FOXN1: variants seen among roughly 807,000 people sequenced by gnomAD.
The protein encoded by FOXN1 is forkhead box protein N1.
In FOXN1, 15 loss-of-function variants were observed where a neutral mutation model predicts 49.0. That is an observed-to-expected ratio of 0.31 (90% CI 0.20 to 0.47). The LOEUF (loss-of-function observed/expected upper bound fraction) is 0.47, where lower values mean the gene tolerates loss of function less well. FOXN1 is among the 20% of genes least tolerant of loss of function. FOXN1 has a pLI of 1.00. For synonymous variants in FOXN1, 356 were observed against 369.0 expected (o/e 0.96, Z 0.40); for missense variants, 800 against 842.8 (o/e 0.95, Z 0.63).
In FOXN1 at chr17:28,534,778, G is replaced by C. The variant is rs1365407291; in HGVS notation, c.1207G>C (p.Gly403Arg). ...CCCACTCCTGGGCTGTCCGCCCCCT[G>C]GGCTGTCCGGCTCAGGCCCCATCCG... The part of the protein sequence containing the change: ...GSPLLGCPPP[G>R]LSGSGPIRPL... Residue 403 changes from glycine to arginine, a missense_variant, in exon 8 of 9, where the codon GGG (glycine) becomes CGG (arginine). Coordinates refer to ENST00000579795, the MANE Select transcript of FOXN1 (RefSeq NM_001369369.1). This position sits in a 1 kb window ranked among gnomAD's most constrained non-coding sequence, Gnocchi z 4.1. The C allele has an allele frequency of 6.2e-7, 1 of 1,613,642 alleles. No homozygotes were observed. Among genetic ancestry groups the C allele is most frequent in the Middle Eastern group, 1.6e-4 (1 of 6,062 alleles).
chr17:28,528,133 G>A (rs938053712), intron 4 of FOXN1, among the ~76,000 whole-genome samples: 1 of 152,210 alleles, frequency 6.6e-6, no homozygotes, highest in African/African-American at 2.4e-5. Context: ...CACTGGCCCT[G>A]ATCTCAGCCA....
In FOXN1 at chr17:28,533,493, C is replaced by CCA. The variant is rs1555610634; in HGVS notation, c.928-836_928-835dup. Among the ~76,000 whole-genome samples the CCA allele has an allele frequency of 7.7e-5, 11 of 143,140 alleles. No homozygotes were observed. The East Asian group carries it at 2.2e-3, about 28-fold the overall frequency. The allele number at this position is 143,140 out of a possible 152,430, so 93.9% of individuals were successfully genotyped here. A position where few individuals can be genotyped will look rare whatever the true frequency, so the allele number is the denominator to read the frequency against. On this transcript the variant is annotated intron_variant, in intron 6 of 8. Transcript: ENST00000579795. ...ATTCTATTGGCACGAGCACCCCCCC[C>CCA]CACTGCCTGAGGGCTGGCCTCCCCA...
intron 5 of FOXN1, among the ~76,000 whole-genome samples, chr17:28,529,935 C>T (rs1174932390): frequency 6.6e-6 from 1 of 150,920 alleles, no homozygotes; most frequent in Admixed American, 6.6e-5. Flanking sequence ...GAAATGAGTT[C>T]AAGACCAGCT....
Position 28,530,807 on chromosome 17 carries a change from A to G in FOXN1, c.889A>G (p.Ile297Val). The change falls in exon 6 of 9, where the codon ATC (isoleucine) becomes GTC (valine). Residue 297 changes from isoleucine (I) to valine (V), a missense_variant. By Grantham distance (29) the Ile-to-Val change is conservative (BLOSUM62 3). Around this residue, in one of 3 missense-constraint regions of FOXN1, gnomAD observed 73 missense variants for 118.9 expected, o/e 0.61. Coordinates refer to ENST00000579795, the MANE Select transcript of FOXN1 (RefSeq NM_001369369.1). ...AACTGGGAGCCTTCCCGTCAGCGAG[A>G]TCTACAATTTTATGACGGAGCACTT... The part of the protein sequence containing the change: ...SKTGSLPVSE[I>V]YNFMTEHFPY... 1 of 1,609,310 alleles carries G rather than the reference A, an allele frequency of 6.2e-7. No individual in the cohort carries two copies. The highest frequency in any genetic ancestry group is 8.5e-7 in the Non-Finnish European group (1 of 1,175,586).
chr17:28,509,036 T>G, intron 1 of FOXN1, among the ~76,000 whole-genome samples: 1 of 134,840 alleles, frequency 7.4e-6, no homozygotes, highest in Admixed American at 7.4e-5. Context: ...GTGGGTGGGG[T>G]TGGGCTGGCA....
rs751890749 is a variant in FOXN1, at chr17:28,534,725, T to C, written c.1154T>C (p.Ile385Thr). The stretch of plus-strand genomic sequence containing the variant: ...CTTTCAGAAGAGCTGGACAGCCTCA[T>C]TGGAGACAAGAGAGAAAAGCTGGGC... The part of the protein sequence containing the change: ...MAKPEELDSL[I>T]GDKREKLGSP... The change falls in exon 8 of 9, where the codon ATT becomes ACT. Residue 385 changes from isoleucine to threonine, a missense_variant. By Grantham distance (89) the Ile-to-Thr change is moderately conservative. This residue lies in a region of FOXN1 where 344 missense variants were observed against 366.1 expected (regional missense o/e 0.94). Transcript: ENST00000579795. This position sits in a 1 kb window ranked among gnomAD's most constrained non-coding sequence, Gnocchi z 4.1. 2.6e-5 allele frequency: 42 copies of C among 1,613,396 alleles called. No homozygotes were observed. Among genetic ancestry groups the C allele is most frequent in the Non-Finnish European group, 3.1e-5 (37 of 1,179,938 alleles).
At chr17:28,523,808 C>CTGGT (rs879117657) in intron 1 of FOXN1, 148 bp from the exon 2 acceptor site, 2 of 117,300 alleles carry the variant, frequency 1.7e-5, no homozygotes, top group Non-Finnish European at 4.1e-5. Flanking sequence ...CTCTCTCTCT[C>CTGGT]TCTCTCTCTC....
intron 5 of FOXN1, 22 bp downstream of exon 5, chr17:28,529,246 G>A: frequency 1.9e-6 from 3 of 1,613,668 alleles, no homozygotes; most frequent in South Asian, 2.2e-5. Context: ...ACTCTCCAGG[G>A]ATGGGAGGAG....
intron 1 of FOXN1, among the ~76,000 whole-genome samples, chr17:28,513,892 G>A (rs1232943096): frequency 6.6e-6 from 1 of 152,208 alleles, no homozygotes; most frequent in Non-Finnish European, 1.5e-5. Flanking sequence ...GAAAAGGAAG[G>A]GGTGCTGGGC....
chr17:28,532,892 T>C (rs683289), intron 6 of FOXN1, among the ~76,000 whole-genome samples: 36,852 of 152,168 alleles, frequency 0.24, 4,727 homozygotes, highest in African/African-American at 0.3. Flanking sequence ...CCAGCGCCCA[T>C]TAACTCCGCC....
intron 1 of FOXN1, among the ~76,000 whole-genome samples, chr17:28,514,385 C>T (rs1465047173): frequency 3.9e-5 from 6 of 152,138 alleles, no homozygotes; most frequent in East Asian, 3.9e-4. Context: ...ACCCATTTTC[C>T]GAAACTGATG....
At chr17:28,511,419 G>A (rs182969095) in intron 1 of FOXN1, among the ~76,000 whole-genome samples, 21 of 152,292 alleles carry the variant, frequency 1.4e-4, no homozygotes, top group African/African-American at 4.3e-4. Flanking sequence ...AGGTGGACAG[G>A]CAAAGAGCGA....
intron 1 of FOXN1, among the ~76,000 whole-genome samples, chr17:28,506,833 G>A (rs1194971944): frequency 6.6e-6 from 1 of 152,242 alleles, no homozygotes; most frequent in Non-Finnish European, 1.5e-5. Context: ...AGTTCTCCAT[G>A]TAGTGGTTTT....
At chr17:28,528,503 G>C (rs1258395253) in intron 4 of FOXN1, among the ~76,000 whole-genome samples, 1 of 152,030 alleles carries the variant, frequency 6.6e-6, no homozygotes, top group Non-Finnish European at 1.5e-5. Flanking sequence ...AATGTCTCTT[G>C]GGTAACCTGG....
chr17:28,524,118 G>T (rs1230641067), intron 2 of FOXN1, 26 bp downstream of exon 2: 1 of 1,567,694 alleles, frequency 6.4e-7, no homozygotes, highest in Non-Finnish European at 8.6e-7. Flanking sequence ...CTGGGCCTGG[G>T]TTTAGGCCAA....
At position 28,523,911 on chromosome 17, in the gene FOXN1, A is replaced by C. The variant is rs483434; in HGVS notation, c.-14-45A>C. 0.93 allele frequency: 1,503,483 copies of C among 1,610,276 alleles called. 703,033 individuals carry two copies. The highest frequency in any genetic ancestry group is 0.98 in the East Asian group (44,112 of 44,796). On this transcript the variant is annotated intron_variant, in intron 1 of 8. Transcript: ENST00000579795. ...AGGTGGCGAACCTGGGTTGGTCCCC[A>C]CTGGATGCTGGTCCTCACTCTCATG...
chr17:28,527,866 A>G (rs1440641229), intron 4 of FOXN1, among the ~76,000 whole-genome samples: 2 of 152,240 alleles, frequency 1.3e-5, no homozygotes, highest in African/African-American at 4.8e-5. Flanking sequence ...CCAAGTCCCC[A>G]TCATCTTCAG....
At position 28,534,889 on chromosome 17, in the gene FOXN1, C is replaced by T; in HGVS notation, c.1318C>T (p.Gln440Ter). The T allele has an allele frequency of 1.2e-6, 2 of 1,614,092 alleles. No individual in the cohort carries two copies. Among genetic ancestry groups the T allele is most frequent in the African/African-American group, 1.3e-5 (1 of 75,050 alleles). Residue 440 changes from glutamine (Q) to a stop codon, truncating the protein, a stop_gained, in exon 8 of 9, where the codon CAG becomes TAG. Coordinates refer to ENST00000579795, the MANE Select transcript of FOXN1 (RefSeq NM_001369369.1). LOFTEE classifies it high-confidence loss of function. The surrounding 1 kb of genome is among the most constrained non-coding windows in gnomAD (Gnocchi z 4.1). ...PGPIPGKNPL[Q>*]DLLMGHTPSC... ...CCCCATTCCTGGCAAGAACCCCCTG[C>T]AGGACCTACTTATGGGGCACACACC...
In FOXN1 at chr17:28,524,838, G is replaced by A. The variant is rs780066670; in HGVS notation, c.459G>A (p.Gly153=). ...AAGGACACTCCTTTAAGACCCCAGG[G>A]CCGCTGGAGGCCTTCGAGGAGATCC... ...ALKGHSFKTP[G]PLEAFEEIPV... is the part of the protein sequence containing the mutation. The change falls in exon 3 of 9, where the codon GGG becomes GGA. Residue 153 remains glycine (G), a synonymous_variant. Transcript: ENST00000579795. 6.2e-7 allele frequency: 1 copy of A among 1,613,762 alleles called. No homozygotes were observed. Among genetic ancestry groups the A allele is most frequent in the East Asian group, 2.2e-5 (1 of 44,864 alleles).
Sources: allele counts gnomAD v4.1 joint callset (sites outside exome capture counted in the v4.1 genomes callset), GRCh38; gene constraint gnomAD v4.1.1; regional missense constraint gnomAD v4.1.1; non-coding constraint Gnocchi (gnomAD v3.1); transcripts MANE v1.5; gene names NCBI Gene and HGNC (gene_info 2026-07-23, HGNC 2026-07-21).